Variants in REL observed in about 807,000 individuals in gnomAD.
REL encodes proto-oncogene c-Rel.
In REL, 15 loss-of-function variants were observed where a neutral mutation model predicts 45.9. The ratio of observed to expected loss-of-function variants is 0.33; its 90% CI spans 0.22 to 0.50. The LOEUF (loss-of-function observed/expected upper bound fraction) is 0.50, where lower values mean the gene tolerates loss of function less well. Among genes scored for constraint, REL ranks in the 20% least tolerant of loss-of-function variants. The pLI, the probability that REL is intolerant of heterozygous loss-of-function variation, is 0.98. For missense variants in REL, 601 were observed against 715.2 expected, an observed-to-expected ratio of 0.84 and a Z score of 1.82; for synonymous variants, 239 against 242.1, an observed-to-expected ratio of 0.99 and a Z score of 0.12.
At chr2:60,907,658 G>T (rs1008462472) in intron 4 of REL, among the ~76,000 whole-genome samples, 6 of 151,370 alleles carry the variant, frequency 4.0e-5, no homozygotes, top group Admixed American at 6.6e-5. Flanking sequence ...TAAAACGGTT[G>T]AAAGAATAAA....
chr2:60,895,377 T>C (rs1673323632), intron 3 of REL, among the ~76,000 whole-genome samples: 1 of 151,854 alleles, frequency 6.6e-6, no homozygotes, highest in South Asian at 2.1e-4. Flanking sequence ...AGATGGGGTT[T>C]TGCTTGTTGC....
intron 1 of REL, among the ~76,000 whole-genome samples, chr2:60,886,228 G>C (rs1673069028): frequency 6.6e-6 from 1 of 152,152 alleles, no homozygotes; most frequent in Non-Finnish European, 1.5e-5. Flanking sequence ...CATCTCAAGT[G>C]GGGTAAGGAC....
At chr2:60,892,610 A>G (rs958594965) in intron 2 of REL, among the ~76,000 whole-genome samples, 4 of 150,358 alleles carry the variant, frequency 2.7e-5, no homozygotes, top group Non-Finnish European at 3.0e-5. Context: ...TGTATTTTTT[A>G]GTAGAGACGG....
intron 4 of REL, among the ~76,000 whole-genome samples, chr2:60,915,710 A>G (rs1002417250): frequency 1.3e-5 from 2 of 152,240 alleles, no homozygotes; most frequent in African/African-American, 2.4e-5. Context: ...CTTTTTAAAA[A>G]TATGACTTAT....
At chr2:60,894,850 T>C (rs2103934183) in intron 3 of REL, among the ~76,000 whole-genome samples, 1 of 149,026 alleles carries the variant, frequency 6.7e-6, no homozygotes, top group East Asian at 1.9e-4. Context: ...ATTCACTCTG[T>C]CTTTTTTTTT....
chr2:60,912,896 A>T (rs962742976), intron 4 of REL, among the ~76,000 whole-genome samples: 1 of 152,164 alleles, frequency 6.6e-6, no homozygotes, highest in South Asian at 2.1e-4. Flanking sequence ...ATAGTTATTT[A>T]ATTAAGTCGG....
intron 4 of REL, among the ~76,000 whole-genome samples, chr2:60,912,196 A>T (rs1449369167): frequency 1.3e-5 from 2 of 152,140 alleles, no homozygotes; most frequent in Middle Eastern, 3.2e-3. Context: ...AGATTGACTC[A>T]TTGGAGTAGA....
intron 4 of REL, among the ~76,000 whole-genome samples, chr2:60,913,866 A>G (rs2103972488): frequency 6.6e-6 from 1 of 152,340 alleles, no homozygotes; most frequent in South Asian, 2.1e-4. Context: ...TTACCAAAGT[A>G]GAACTTCTTT....
At chr2:60,887,986 G>C (rs1283570775) in intron 1 of REL, among the ~76,000 whole-genome samples, 1 of 150,900 alleles carries the variant, frequency 6.6e-6, no homozygotes, top group African/African-American at 2.4e-5. Flanking sequence ...AGAGTGCAGT[G>C]GTACAATCTT....
Position 60,922,474 on chromosome 2 carries a change from T to C in REL, c.1703T>C (p.Ile568Thr). ...GFVQDSQYSG[I>T]GSMQNEQLSD... ...GTTCAAGATAGTCAGTATTCAGGTA[T>C]TGGCAGTATGCAAAATGAGCAATTG... The change falls in exon 10 of 10, where the codon ATT becomes ACT. Residue 568 changes from isoleucine (I) to threonine (T), a missense_variant. By Grantham distance (89) the Ile-to-Thr change is moderately conservative. Transcript: ENST00000394479. The C allele has an allele frequency of 1.9e-6, 3 of 1,613,064 alleles. No individual in the cohort carries two copies. The highest frequency in any genetic ancestry group is 1.7e-6 in the Non-Finnish European group (2 of 1,179,766).
At chr2:60,918,697 G>A in intron 7 of REL, 91 bp downstream of exon 7, 2 of 855,024 alleles carry the variant, frequency 2.3e-6, no homozygotes, top group Non-Finnish European at 3.8e-6. Flanking sequence ...GTACAGTTAT[G>A]TATATTCATA....
intron 4 of REL, among the ~76,000 whole-genome samples, chr2:60,914,843 T>G (rs530444641): frequency 2.5e-4 from 37 of 150,752 alleles, no homozygotes; most frequent in Admixed American, 1.2e-3. Context: ...TTGTTTTTTT[T>G]TTTTTTTTGA....
At chr2:60,901,147 T>TAC in intron 4 of REL, 64 bp downstream of exon 4, 2 of 1,210,612 alleles carry the variant, frequency 1.7e-6, no homozygotes, top group Non-Finnish European at 2.1e-6. Context: ...CTTTTTTCTT[T>TAC]CTCTTTTTTT....
At chr2:60,900,778 C>T in intron 3 of REL, 1 of 442,308 alleles carries the variant, frequency 2.3e-6, no homozygotes, top group Non-Finnish European at 4.0e-6. Flanking sequence ...CTGCCTTGGC[C>T]TCCCAAAGTG....
intron 3 of REL, among the ~76,000 whole-genome samples, chr2:60,895,807 A>G (rs1046931681): frequency 1.3e-5 from 2 of 152,186 alleles, no homozygotes; most frequent in Non-Finnish European, 2.9e-5. Context: ...ATTATGCTCT[A>G]ATGCTGTTCA....
chr2:60,895,933 C>T (rs890272901), intron 3 of REL, among the ~76,000 whole-genome samples: 5 of 152,006 alleles, frequency 3.3e-5, no homozygotes, highest in African/African-American at 1.2e-4. Flanking sequence ...CCTTAAAAAT[C>T]ATATTGCCAA....
At position 60,910,482 on chromosome 2, in the gene REL, CAAAAA is replaced by C. The variant is rs11311284; in HGVS notation, c.395-6385_395-6381del. On this transcript the variant is annotated intron_variant, in intron 4 of 9. Transcript: ENST00000394479. Reference sequence around the variant, plus strand: ...TCCATCTCAAAAAAAAAACAAAAAACAAAAAAAAAAAAAACATAAAAAGGAAGGAG... The same window carrying C: ...TCCATCTCAAAAAAAAAACAAAAAACAAAAAAAAACATAAAAAGGAAGGAG... 5.1e-5 allele frequency among the ~76,000 whole-genome samples: 7 copies of C among 138,352 alleles called. No individual in the cohort carries two copies. The East Asian group carries it at 1.3e-3, about 26-fold the overall frequency. 90.8% of individuals were successfully genotyped at this position (138,352 alleles called of 152,430 possible). A position where few individuals can be genotyped will look rare whatever the true frequency, so the allele number is the denominator to read the frequency against.
rs532164053 is a variant in REL at position 60,924,895 on chromosome 2, C to A, written c.*2360C>A. ...GCATACTTTATGTGAGTTGTTATAGCTGTAACATTACACTTTATTTGCTGT... is the reference window on the plus strand; with the variant it reads ...GCATACTTTATGTGAGTTGTTATAGATGTAACATTACACTTTATTTGCTGT... On this transcript the variant is annotated 3_prime_UTR_variant, in exon 10 of 10. Coordinates refer to ENST00000394479, the MANE Select transcript of REL (RefSeq NM_001291746.2). 2.4e-4 allele frequency: 51 copies of A among 213,466 alleles called. No homozygotes were observed. The highest frequency in any genetic ancestry group is 1.1e-3 in the African/African-American group (48 of 44,382). 13.2% of individuals were successfully genotyped at this position (213,466 alleles called of 1,614,324 possible). A position where few individuals can be genotyped will look rare whatever the true frequency, so the allele number is the denominator to read the frequency against.
intron 4 of REL, among the ~76,000 whole-genome samples, chr2:60,905,575 C>G (rs1335273007): frequency 6.6e-6 from 1 of 152,008 alleles, no homozygotes; most frequent in African/African-American, 2.4e-5. Context: ...ATAACTTATC[C>G]GAGTCACATG....
Sources: gnomAD v4.1 joint callset for allele counts (sites outside exome capture counted in the v4.1 genomes callset) on GRCh38, gnomAD v4.1.1 for gene constraint, MANE v1.5 for transcripts, NCBI Gene and HGNC (gene_info 2026-07-23, HGNC 2026-07-21) for gene names.